Variants in CRY1 observed in about 807,000 individuals in gnomAD.
CRY1 encodes the protein cryptochrome-1.
A neutral mutation model predicts 76.0 loss-of-function variants in CRY1; 45 were observed. The ratio of observed to expected loss-of-function variants is 0.59; its 90% CI spans 0.47 to 0.76. The LOEUF is 0.76. Among genes scored for constraint, CRY1 ranks in the 30% least tolerant of loss-of-function variants. The pLI is 0.00. For synonymous variants in CRY1, 248 were observed against 244.0 expected (o/e 1.02, Z -0.15); for missense variants, 587 against 716.4 (o/e 0.82, Z 2.06).
At chr12:107,031,582 A>C (rs1287379418) in intron 1 of CRY1, among the ~76,000 whole-genome samples, 1 of 152,314 alleles carries the variant, frequency 6.6e-6, no homozygotes, top group East Asian at 1.9e-4. Context: ...AGAGTCAACA[A>C]CACCAGTGAT....
At chr12:106,993,916 G>A (rs1417301561) in intron 10 of CRY1, among the ~76,000 whole-genome samples, 3 of 151,892 alleles carry the variant, frequency 2.0e-5, no homozygotes, top group Admixed American at 6.6e-5. Context: ...TTTATTATAA[G>A]AACAAAAGTA....
intron 1 of CRY1, among the ~76,000 whole-genome samples, chr12:107,053,049 T>C (rs530964535): frequency 1.3e-5 from 2 of 152,244 alleles, no homozygotes; most frequent in African/African-American, 4.8e-5. Flanking sequence ...TGGATACATT[T>C]TGAAGGCAGA....
rs1283288398 is a variant in CRY1 at position 107,005,254 on chromosome 12, G to A, written c.268-6C>T. The A allele has an allele frequency of 1.2e-6, 2 of 1,605,890 alleles. No homozygotes were observed. Among genetic ancestry groups the A allele is most frequent in the Non-Finnish European group, 1.7e-6 (2 of 1,176,652 alleles). The stretch of plus-strand genomic sequence containing the variant: ...AGTTTAGTAATGTTCCATTCCTAAA[G>A]TAAGAGAAAGGGGAACAATGTACAC... On this transcript the variant is annotated splice_polypyrimidine_tract_variant and splice_region_variant and intron_variant, in intron 2 of 12. Transcript: ENST00000008527.
rs1952196517 is a variant in CRY1, at chr12:106,992,984, T to C, written c.1638A>G (p.Gln546=). 6 of 1,613,968 alleles carry C rather than the reference T, an allele frequency of 3.7e-6. No individual in the cohort carries two copies. The East Asian group carries it at 6.7e-5, about 18-fold the overall frequency. The change falls in exon 11 of 13, where the codon CAA becomes CAG. Residue 546 remains glutamine, a synonymous_variant. Coordinates refer to ENST00000008527, the MANE Select transcript of CRY1 (RefSeq NM_004075.5). The stretch of plus-strand genomic sequence containing the variant: ...TCTTACCTTGCTTCAACAGGTGAGT[T>C]TGCTGACTGTCGCCATGAGCATAGT... ...ILHYAHGDSQ[Q]THLLKQGRSS... is the part of the protein sequence containing the mutation.
At chr12:107,038,367 T>C (rs1952760619) in intron 1 of CRY1, among the ~76,000 whole-genome samples, 1 of 151,774 alleles carries the variant, frequency 6.6e-6, no homozygotes, top group South Asian at 2.1e-4. Context: ...ACAGAAGGAA[T>C]GATAGAGAAG....
chr12:107,012,673 T>A (rs1191852611), intron 2 of CRY1, among the ~76,000 whole-genome samples: 1 of 152,216 alleles, frequency 6.6e-6, no homozygotes, highest in African/African-American at 2.4e-5. Context: ...AGTGATTCTT[T>A]TGATGGGTCT....
intron 1 of CRY1, among the ~76,000 whole-genome samples, chr12:107,060,167 C>G (rs1402431349): frequency 6.6e-6 from 1 of 152,022 alleles, no homozygotes; most frequent in Non-Finnish European, 1.5e-5. Context: ...AATACTCAAA[C>G]AATTCTATGA....
intron 3 of CRY1, among the ~76,000 whole-genome samples, chr12:107,002,812 TA>T (rs1404587887): frequency 6.6e-6 from 1 of 152,134 alleles, no homozygotes; most frequent in Non-Finnish European, 1.5e-5. Flanking sequence ...TGATAGTGAG[TA>T]AGTCTCACAA....
chr12:107,067,408 T>C (rs1455896433), intron 1 of CRY1, among the ~76,000 whole-genome samples: 1 of 152,174 alleles, frequency 6.6e-6, no homozygotes, highest in African/African-American at 2.4e-5. Context: ...AATCAAATTT[T>C]ATCTCACAGA....
At chr12:107,014,132 A>G (rs891923055) in intron 2 of CRY1, among the ~76,000 whole-genome samples, 1 of 147,902 alleles carries the variant, frequency 6.8e-6, no homozygotes, top group Non-Finnish European at 1.5e-5. Flanking sequence ...AGGAACACAC[A>G]ACCTTCCCTG....
chr12:107,088,799 T>C (rs964588221), intron 1 of CRY1, among the ~76,000 whole-genome samples: 6 of 152,228 alleles, frequency 3.9e-5, no homozygotes, highest in Non-Finnish European at 8.8e-5. Context: ...ATACTGCTAA[T>C]CATCCCAGAC....
rs536051014 is a variant in CRY1, at chr12:107,053,081, T to C, written c.159-30889A>G. ...CAGAGCCCATATAATTTAATCAACA[T>C]GTTTAAAGTAAAAAAAGCAAGGAAT... On this transcript the variant is annotated intron_variant, in intron 1 of 12. Coordinates refer to ENST00000008527, the MANE Select transcript of CRY1 (RefSeq NM_004075.5). 2.0e-5 allele frequency among the ~76,000 whole-genome samples: 3 copies of C among 152,214 alleles called. No homozygotes were observed. The East Asian group carries it at 5.8e-4, about 29-fold the overall frequency.
At chr12:107,001,705 C>T in intron 4 of CRY1, 59 bp downstream of exon 4, 1 of 1,397,680 alleles carries the variant, frequency 7.2e-7, no homozygotes, top group South Asian at 1.6e-5. Context: ...GGGGAATTTT[C>T]TGAGTAATTT....
At chr12:107,085,048 A>G (rs1277440171) in intron 1 of CRY1, among the ~76,000 whole-genome samples, 1 of 152,202 alleles carries the variant, frequency 6.6e-6, no homozygotes, top group African/African-American at 2.4e-5. Flanking sequence ...TATGTGGCCA[A>G]AAAACATGAA....
At chr12:107,001,652 CTT>C (rs1566242202) in intron 4 of CRY1, 110 bp downstream of exon 4, 1 of 978,646 alleles carries the variant, frequency 1.0e-6, no homozygotes, top group African/African-American at 1.7e-5. Context: ...CCTGCCCTTT[CTT>C]TCTCTCCTAA....
At chr12:107,021,949 G>GA (rs559080937) in intron 2 of CRY1, 135 bp downstream of exon 2, 51 of 634,370 alleles carry the variant, frequency 8.0e-5, no homozygotes, top group Middle Eastern at 4.5e-4. Flanking sequence ...ATTAAATAAA[G>GA]AAAAAAAACC....
intron 1 of CRY1, among the ~76,000 whole-genome samples, chr12:107,052,185 ACCC>A (rs1952931046): frequency 1.3e-5 from 1 of 75,724 alleles, no homozygotes; most frequent in East Asian, 6.0e-4. Context: ...AGAATTCTAT[ACCC>A]AGTGTAAATA....
In CRY1 at chr12:107,018,672, C is replaced by T. The variant is rs146261466; in HGVS notation, c.267+3412G>A. Among the ~76,000 whole-genome samples, 1,269 of 152,040 alleles carry T rather than the reference C, an allele frequency of 8.3e-3. 37 individuals are homozygous for T. Among genetic ancestry groups the T allele is most frequent in the Admixed American group, 0.059 (907 of 15,274 alleles). On this transcript the variant is annotated intron_variant, in intron 2 of 12. Transcript: ENST00000008527. ...TTAAAAAATCTAGATATTAATTATG[C>T]ACCTAGTCTCTAAAACCAATAATTT... is the stretch of plus-strand genomic sequence containing the variant.
At chr12:107,068,201 C>T (rs759804404) in intron 1 of CRY1, among the ~76,000 whole-genome samples, 7 of 152,162 alleles carry the variant, frequency 4.6e-5, no homozygotes, top group Non-Finnish European at 1.0e-4. Flanking sequence ...TATTTATCAT[C>T]TGGCCCTTTA....
Sources: allele counts gnomAD v4.1 joint callset (sites outside exome capture counted in the v4.1 genomes callset), GRCh38; gene constraint gnomAD v4.1.1; transcripts MANE v1.5; gene names NCBI Gene and HGNC (gene_info 2026-07-23, HGNC 2026-07-21).